CAMTA1: variants seen among roughly 807,000 people sequenced by gnomAD.
CAMTA1 encodes calmodulin-binding transcription activator 1.
A neutral mutation model predicts 170.9 loss-of-function variants in CAMTA1; 27 were observed. That is an observed-to-expected ratio of 0.16 (90% confidence interval 0.12 to 0.22). The LOEUF is 0.22. Ranked by LOEUF, CAMTA1 falls within the 10% of genes least tolerant of loss-of-function variation. The probability of loss-of-function intolerance (pLI) is 1.00; values close to 1 mark genes in which losing one functional copy is unlikely to be tolerated. For synonymous variants in CAMTA1, 833 were observed against 891.5 expected (o/e 0.93, Z 1.17); for missense variants, 1,619 against 2,217.2 (o/e 0.73, Z 5.42).
intron 3 of CAMTA1, among the ~76,000 whole-genome samples, chr1:6,998,354 A>G (rs1697656971): frequency 6.6e-6 from 1 of 152,190 alleles, no homozygotes; most frequent in South Asian, 2.1e-4. Flanking sequence ...ATAAGATAGA[A>G]TAAGTCTGCA....
chr1:7,516,034 G>A (rs1055613943), intron 6 of CAMTA1, among the ~76,000 whole-genome samples: 4 of 152,184 alleles, frequency 2.6e-5, no homozygotes, highest in Non-Finnish European at 4.4e-5. Flanking sequence ...GGTGGGCTCT[G>A]CATCAGCCTT....
intron 3 of CAMTA1, among the ~76,000 whole-genome samples, chr1:7,033,320 A>G (rs531777990): frequency 6.6e-6 from 1 of 152,106 alleles, no homozygotes; most frequent in East Asian, 1.9e-4. Flanking sequence ...TTCACCTCAG[A>G]CTGCATCTTA....
At chr1:7,504,668 G>A (rs1413239042) in intron 6 of CAMTA1, among the ~76,000 whole-genome samples, 1 of 152,276 alleles carries the variant, frequency 6.6e-6, no homozygotes, top group Non-Finnish European at 1.5e-5. Flanking sequence ...GTACTAGAGG[G>A]GAGAGGTGAG....
intron 11 of CAMTA1, among the ~76,000 whole-genome samples, chr1:7,730,776 G>A (rs2096725935): frequency 6.6e-6 from 1 of 152,088 alleles, no homozygotes; most frequent in Non-Finnish European, 1.5e-5. Context: ...GCATGTGCCT[G>A]TAGTCCCAGC....
intron 3 of CAMTA1, among the ~76,000 whole-genome samples, chr1:6,912,048 T>TTG (rs1292664597): frequency 6.6e-6 from 1 of 152,148 alleles, no homozygotes; most frequent in Non-Finnish European, 1.5e-5. Context: ...CTGAAGGGTG[T>TTG]TGTTTGTAGG....
Position 7,768,410 on chromosome 1 carries a change from G to A in CAMTA1, c.*1919G>A, listed in dbSNP as rs1028120472. 1.3e-5 allele frequency: 2 copies of A among 152,780 alleles called. No homozygotes were observed. The highest frequency in any genetic ancestry group is 1.5e-5 in the Non-Finnish European group (1 of 68,034). The allele number at this position is 152,780 out of a possible 1,614,324, so 9.5% of individuals were successfully genotyped here. ...CCAGGTTACGTCTGAGGATCAGTTG[G>A]TGTAAAGCTGAGATGTTTTTTCTTG... is the stretch of plus-strand genomic sequence containing the variant. On this transcript the variant is annotated 3_prime_UTR_variant, in exon 23 of 23. Coordinates refer to ENST00000303635, the MANE Select transcript of CAMTA1 (RefSeq NM_015215.4).
intron 6 of CAMTA1, among the ~76,000 whole-genome samples, chr1:7,496,067 C>G (rs1051918526): frequency 1.3e-5 from 2 of 152,132 alleles, no homozygotes; most frequent in African/African-American, 4.8e-5. Context: ...CCCAGGGAGC[C>G]GGAGGGGAGC....
rs146850423 is a variant in CAMTA1 at position 7,177,245 on chromosome 1, C to A, written c.303-72246C>A. Among the ~76,000 whole-genome samples the A allele has an allele frequency of 2.2e-3, 339 of 152,024 alleles. 8 individuals carry two copies. The East Asian group carries it at 0.037, about 16-fold the overall frequency. On this transcript the variant is annotated intron_variant, in intron 4 of 22. Coordinates refer to ENST00000303635, the MANE Select transcript of CAMTA1 (RefSeq NM_015215.4). Reference sequence around the variant, plus strand: ...GAGGCACCACCCACACACCGAGTCCCCTCCCACACACTAAGTCCCCTTCCC... The same window carrying A: ...GAGGCACCACCCACACACCGAGTCCACTCCCACACACTAAGTCCCCTTCCC...
intron 5 of CAMTA1, among the ~76,000 whole-genome samples, chr1:7,420,638 C>T (rs2149311604): frequency 6.6e-6 from 1 of 152,292 alleles, no homozygotes; most frequent in South Asian, 2.1e-4. Flanking sequence ...CAATAAGTTT[C>T]TGTTCTATGC....
chr1:6,791,131 TA>T lies in CAMTA1; in HGVS notation c.45+5559del, dbSNP rs1342376976. Among the ~76,000 whole-genome samples, 529 of 126,042 alleles carry T rather than the reference TA, an allele frequency of 4.2e-3. 2 individuals carry two copies. Among genetic ancestry groups the T allele is most frequent in the African/African-American group, 0.014 (480 of 33,852 alleles). 82.7% of individuals were successfully genotyped at this position (126,042 alleles called of 152,430 possible). A position where few individuals can be genotyped will look rare whatever the true frequency, so the allele number is the denominator to read the frequency against. ...CCTGTCCTTTTTTTTTTTTTTTTTT[TA>T]AATGTTCTAGGTGACTTAAATCCGA... is the stretch of plus-strand genomic sequence containing the variant. On this transcript the variant is annotated intron_variant, in intron 1 of 22. Coordinates refer to ENST00000303635, the MANE Select transcript of CAMTA1 (RefSeq NM_015215.4).
intron 6 of CAMTA1, among the ~76,000 whole-genome samples, chr1:7,499,598 GTA>G (rs1393710595): frequency 6.9e-6 from 1 of 144,182 alleles, no homozygotes; most frequent in African/African-American, 2.6e-5. Flanking sequence ...GAGTGCGTAT[GTA>G]TATGAGTGTG....
chr1:7,423,815 C>A (rs572006019), intron 5 of CAMTA1, among the ~76,000 whole-genome samples: 2 of 152,166 alleles, frequency 1.3e-5, no homozygotes, highest in African/African-American at 4.8e-5. Context: ...TTTTTTCATT[C>A]ATTCATTAGG....
intron 19 of CAMTA1, among the ~76,000 whole-genome samples, chr1:7,750,057 G>C (rs974220571): frequency 6.6e-6 from 1 of 152,192 alleles, no homozygotes; most frequent in African/African-American, 2.4e-5. Context: ...TGGCCACTAA[G>C]TAAATACCCT....
At chr1:7,104,011 TAC>T (rs1488566440) in intron 4 of CAMTA1, among the ~76,000 whole-genome samples, 6 of 136,868 alleles carry the variant, frequency 4.4e-5, no homozygotes, top group African/African-American at 1.4e-4. Flanking sequence ...CACAACACAC[TAC>T]ACACATGTAC....
chr1:7,363,524 C>T (rs1000803103), intron 5 of CAMTA1, among the ~76,000 whole-genome samples: 3 of 152,114 alleles, frequency 2.0e-5, no homozygotes, highest in Non-Finnish European at 4.4e-5. Context: ...TTCTGGCTTT[C>T]AGGATATAGC....
At chr1:7,259,485 G>A (rs1241683694) in intron 5 of CAMTA1, among the ~76,000 whole-genome samples, 1 of 152,198 alleles carries the variant, frequency 6.6e-6, no homozygotes, top group Non-Finnish European at 1.5e-5. Context: ...GTCTTAGTAT[G>A]AGCCCCAGGT....
chr1:7,628,214 A>C (rs1187694437), intron 6 of CAMTA1, among the ~76,000 whole-genome samples: 1 of 152,154 alleles, frequency 6.6e-6, no homozygotes, highest in Admixed American at 6.5e-5. Flanking sequence ...TTCCAGGAGC[A>C]CTAGATTTCA....
At chr1:7,317,794 C>G (rs1159004233) in intron 5 of CAMTA1, among the ~76,000 whole-genome samples, 1 of 152,156 alleles carries the variant, frequency 6.6e-6, no homozygotes, top group Non-Finnish European at 1.5e-5. Flanking sequence ...AGTTTCAAAA[C>G]TCTTTTTGGG....
At chr1:7,384,183 C>T (rs1482119472) in intron 5 of CAMTA1, among the ~76,000 whole-genome samples, 7 of 152,164 alleles carry the variant, frequency 4.6e-5, no homozygotes, top group African/African-American at 1.7e-4. Context: ...GGGAATGGAG[C>T]GAAAGATGGC....
Sources: allele counts gnomAD v4.1 joint callset (sites outside exome capture counted in the v4.1 genomes callset), GRCh38; gene constraint gnomAD v4.1.1; transcripts MANE v1.5; gene names NCBI Gene and HGNC (gene_info 2026-07-23, HGNC 2026-07-21).